The following ABCC11 variants were observed in gnomAD, a reference collection of about 807,000 sequenced individuals.
ABCC11 encodes the protein ATP binding cassette subfamily C member 11.
A neutral mutation model predicts 149.3 loss-of-function variants in ABCC11; 135 were observed. That is an observed-to-expected ratio of 0.90 (90% confidence interval 0.79 to 1.04). ABCC11 has a LOEUF of 1.04. ABCC11 is among the 50% of genes least tolerant of loss of function. The pLI, the probability that ABCC11 is intolerant of heterozygous loss-of-function variation, is 0.00. For missense variants in ABCC11, 1,680 were observed against 1,722.1 expected, an observed-to-expected ratio of 0.98 and a Z score of 0.43; for synonymous variants, 665 against 671.4, an observed-to-expected ratio of 0.99 and a Z score of 0.15.
chr16:48,169,829 C>T (rs1028258456), intron 28 of ABCC11, among the ~76,000 whole-genome samples: 1 of 151,304 alleles, frequency 6.6e-6, no homozygotes, highest in East Asian at 1.9e-4. Flanking sequence ...GACGAGTTAA[C>T]GGGTGCAGCA....
chr16:48,204,064 CTT>C (rs1405867772), intron 13 of ABCC11, among the ~76,000 whole-genome samples: 1 of 152,208 alleles, frequency 6.6e-6, no homozygotes, highest in African/African-American at 2.4e-5. Context: ...TTTTTCTACT[CTT>C]TTGCTCCTGT....
At chr16:48,179,862 AAGC>A (rs1172628938) in intron 23 of ABCC11, among the ~76,000 whole-genome samples, 1 of 152,220 alleles carries the variant, frequency 6.6e-6, no homozygotes, top group African/African-American at 2.4e-5. Flanking sequence ...TAAGCCCTGA[AAGC>A]AGCAAATTCT....
chr16:48,200,289 G>A lies in ABCC11; in HGVS notation c.2069C>T (p.Thr690Ile), dbSNP rs548719823. 1.2e-6 allele frequency: 2 copies of A among 1,614,150 alleles called. No individual in the cohort carries two copies. The highest frequency in any genetic ancestry group is 1.7e-5 in the Admixed American group (1 of 60,030). The change falls in exon 15 of 30, where the codon ACC (threonine) becomes ATC (isoleucine). Residue 690 changes from threonine to isoleucine, a missense_variant. By Grantham distance (89) the Thr-to-Ile change is moderately conservative. Coordinates refer to ENST00000356608, the MANE Select transcript of ABCC11 (RefSeq NM_001370497.1). ...AAGGGTGCTAACCTGCAGCTGGTGG[G>A]TCACCAGGACGACCGTCTTCCCCCT... ...TLRGKTVVLV[T>I]HQLQYLEFCG...
intron 27 of ABCC11, 42 bp from the exon 28 acceptor site, chr16:48,170,260 TG>T: frequency 6.5e-7 from 1 of 1,535,046 alleles, no homozygotes; most frequent in Non-Finnish European, 9.0e-7. Flanking sequence ...TGGAAGCCAC[TG>T]TGGGGTGAGA....
At position 48,203,293 on chromosome 16, in the gene ABCC11, G is replaced by A. The variant is rs754640095; in HGVS notation, c.1813C>T (p.Gln605Ter). ...GGAYDKARYLQVLHCCSLNRD... is the reference protein window; with the variant it reads ...GGAYDKARYL ...TTCAGGGAGCAGCAGTGGAGCACCT[G>A]GAGGTATCTGTGAAGGACAGGGAGC... Residue 605 changes from glutamine to a stop codon, truncating the protein, a stop_gained, in exon 14 of 30, where the codon CAG (glutamine) becomes TAG (stop). Transcript: ENST00000356608. LOFTEE classifies it high-confidence loss of function. The A allele has an allele frequency of 1.3e-6, 2 of 1,577,592 alleles. No homozygotes were observed. The highest frequency in any genetic ancestry group is 2.3e-5 in the South Asian group (2 of 85,874).
At chr16:48,190,381 G>A in intron 20 of ABCC11, among the ~76,000 whole-genome samples, 1 of 150,772 alleles carries the variant, frequency 6.6e-6, no homozygotes, top group East Asian at 1.9e-4. Context: ...TTTTTTAAAT[G>A]AGATAGGGTC....
In ABCC11 at chr16:48,192,721, C is replaced by CA. The variant is rs1362645614; in HGVS notation, c.2509-5dup. 1 of 1,614,134 alleles carries CA rather than the reference C, an allele frequency of 6.2e-7. No individual in the cohort carries two copies. The highest frequency in any genetic ancestry group is 2.2e-5 in the East Asian group (1 of 44,878). ...TGCTCTCTCGGCTGCTATTGGTCTT[C>CA]AAGAAAGAACAGGGGGTCTGACTGC... On this transcript the variant is annotated splice_polypyrimidine_tract_variant and splice_region_variant and intron_variant, in intron 19 of 29. Transcript: ENST00000356608.
intron 6 of ABCC11, among the ~76,000 whole-genome samples, chr16:48,219,564 C>T (rs1423549764): frequency 6.6e-6 from 1 of 152,088 alleles, no homozygotes; most frequent in Non-Finnish European, 1.5e-5. Flanking sequence ...AAGGCAACTT[C>T]TATACTATTT....
chr16:48,167,255 A>G lies in ABCC11; in HGVS notation c.*19T>C, dbSNP rs779963013. On this transcript the variant is annotated 3_prime_UTR_variant, in exon 30 of 30. Transcript: ENST00000356608. ...CCTCTGAGCTCAGCTGCCAGCCTCC[A>G]TGAAGTCTCCACATCTCCTTATCTC... 7 of 792,064 alleles carry G rather than the reference A, an allele frequency of 8.8e-6. No homozygotes were observed. Among genetic ancestry groups the G allele is most frequent in the Non-Finnish European group, 1.2e-5 (5 of 429,962 alleles). 49.1% of individuals were successfully genotyped at this position (792,064 alleles called of 1,614,324 possible).
intron 1 of ABCC11, among the ~76,000 whole-genome samples, chr16:48,234,052 A>T (rs1335084156): frequency 6.6e-6 from 1 of 152,206 alleles, no homozygotes; most frequent in Non-Finnish European, 1.5e-5. Flanking sequence ...CATTTCCTAC[A>T]TTTCTTTCTT....
chr16:48,203,345 C>T (rs138042618), intron 13 of ABCC11, 45 bp from the exon 14 acceptor site: 21 of 1,486,576 alleles, frequency 1.4e-5, no homozygotes, highest in African/African-American at 8.3e-5. Flanking sequence ...CCAGCCCTCC[C>T]GCCCATCACC....
intron 24 of ABCC11, 68 bp from the exon 25 acceptor site, chr16:48,177,181 G>A: frequency 1.3e-6 from 2 of 1,490,978 alleles, no homozygotes; most frequent in South Asian, 1.3e-5. Context: ...CTGCGGGCCT[G>A]CCAGCCTCCC....
intron 9 of ABCC11, 67 bp downstream of exon 9, chr16:48,214,814 T>C: frequency 5.0e-6 from 8 of 1,596,828 alleles, no homozygotes; most frequent in Non-Finnish European, 6.9e-6. Flanking sequence ...GGGGCATGGC[T>C]AAAAAAGGAC....
At chr16:48,245,416 T>C (rs1162945578) in intron 1 of ABCC11, among the ~76,000 whole-genome samples, 1 of 152,176 alleles carries the variant, frequency 6.6e-6, no homozygotes, top group East Asian at 1.9e-4. Context: ...ATCCATCTCT[T>C]AGGCAAGTTA....
intron 1 of ABCC11, among the ~76,000 whole-genome samples, chr16:48,242,107 CA>C (rs1596873988): frequency 1.3e-5 from 2 of 152,172 alleles, no homozygotes; most frequent in East Asian, 3.8e-4. Flanking sequence ...AGTGAACAGG[CA>C]ACCTACAGAA....
intron 1 of ABCC11, among the ~76,000 whole-genome samples, chr16:48,236,989 G>C (rs934998156): frequency 6.6e-6 from 1 of 152,126 alleles, no homozygotes; most frequent in African/African-American, 2.4e-5. Context: ...TACTGCTCAA[G>C]GTCATCACCG....
At chr16:48,210,224 T>C (rs192125317) in intron 11 of ABCC11, 1 of 152,230 alleles carries the variant, frequency 6.6e-6, no homozygotes. Context: ...TTAAGAGAGA[T>C]ATTAAATAGG....
intron 1 of ABCC11, among the ~76,000 whole-genome samples, chr16:48,241,220 G>A (rs1347028109): frequency 1.3e-5 from 2 of 152,204 alleles, no homozygotes. Context: ...GCAGGTGTGA[G>A]CCACTGCGTC....
Position 48,244,186 on chromosome 16 carries a change from T to C in ABCC11, c.-19+3128A>G, listed in dbSNP as rs139744217. ...ACGCTTGAGTGCACGTCTTTCCGCA[T>C]AGGTAGGACGCTCAAGTCTTACCGG... On this transcript the variant is annotated intron_variant, in intron 1 of 29. Transcript: ENST00000356608. 3,218 of 496,868 alleles carry C rather than the reference T, an allele frequency of 6.5e-3. 14 individuals are homozygous for C. Among genetic ancestry groups the C allele is most frequent in the Non-Finnish European group, 9.4e-3 (2,660 of 283,202 alleles). The allele number at this position is 496,868 out of a possible 1,614,324, so 30.8% of individuals were successfully genotyped here.
Sources: allele counts gnomAD v4.1 joint callset (sites outside exome capture counted in the v4.1 genomes callset), GRCh38; gene constraint gnomAD v4.1.1; transcripts MANE v1.5; gene names NCBI Gene and HGNC (gene_info 2026-07-23, HGNC 2026-07-21).